Variants in DR1 observed in about 807,000 individuals in gnomAD.
DR1 encodes down-regulator of transcription 1, also known as protein Dr1.
DR1 carries 7 observed loss-of-function variants against 19.9 expected under a neutral mutation model. The ratio of observed to expected loss-of-function variants is 0.35; its 90% CI spans 0.20 to 0.66. The LOEUF (loss-of-function observed/expected upper bound fraction) is 0.66, where lower values mean the gene tolerates loss of function less well. Among genes scored for constraint, DR1 ranks in the 30% least tolerant of loss-of-function variants. The pLI is 0.66. For synonymous variants in DR1, 76 were observed against 72.5 expected (o/e 1.05, Z -0.24); for missense variants, 98 against 203.7 (o/e 0.48, Z 3.16).
In DR1 at chr1:93,364,154, A is replaced by G. The variant is rs139166523; in HGVS notation, c.*3515A>G. ...TACGCTAATGATCTTAGTGGGTTGA[A>G]TTTCTCGAAACACCTAAATTGTACC... On this transcript the variant is annotated 3_prime_UTR_variant, in exon 3 of 3. Coordinates refer to ENST00000370272, the MANE Select transcript of DR1 (RefSeq NM_001938.3). The G allele has an allele frequency of 8.6e-4, 131 of 152,310 alleles. No homozygotes were observed. The highest frequency in any genetic ancestry group is 3.0e-3 in the African/African-American group (124 of 41,572). 9.4% of individuals were successfully genotyped at this position (152,310 alleles called of 1,614,324 possible).
At chr1:93,359,783 T>G (rs564676189) in intron 2 of DR1, among the ~76,000 whole-genome samples, 29 of 152,326 alleles carry the variant, frequency 1.9e-4, no homozygotes, top group Admixed American at 1.8e-3. Flanking sequence ...ATCCTGTGGT[T>G]GTTTTTAATA....
At chr1:93,349,100 A>G (rs1425502760) in intron 1 of DR1, among the ~76,000 whole-genome samples, 2 of 152,086 alleles carry the variant, frequency 1.3e-5, no homozygotes, top group East Asian at 3.8e-4. Flanking sequence ...TTTTAGTGAT[A>G]AGTTTAATGA....
chr1:93,352,614 C>T (rs1333021455), intron 1 of DR1, among the ~76,000 whole-genome samples: 2 of 152,126 alleles, frequency 1.3e-5, no homozygotes, highest in Non-Finnish European at 2.9e-5. Context: ...TTGGCATTCT[C>T]CCAGAAGAGC....
intron 2 of DR1, among the ~76,000 whole-genome samples, chr1:93,359,862 A>G (rs562129412): frequency 1.8e-4 from 27 of 152,158 alleles, no homozygotes; most frequent in Non-Finnish European, 3.5e-4. Context: ...AAGGATATGT[A>G]TATTTGTATG....
intron 1 of DR1, among the ~76,000 whole-genome samples, chr1:93,351,546 A>T (rs1666913311): frequency 1.4e-5 from 2 of 144,806 alleles, no homozygotes; most frequent in South Asian, 4.2e-4. Flanking sequence ...AGCAATTCTC[A>T]TGCCTTAGCC....
chr1:93,346,917 C>A, intron 1 of DR1, 52 bp downstream of exon 1: 1 of 1,473,138 alleles, frequency 6.8e-7, no homozygotes, highest in Non-Finnish European at 9.3e-7. Context: ...TAGCAGTCTG[C>A]TAATCGCGTG....
chr1:93,360,416 A>G (rs1417194700), intron 2 of DR1, 77 bp from the exon 3 acceptor site: 40 of 1,390,754 alleles, frequency 2.9e-5, no homozygotes, highest in Non-Finnish European at 3.6e-5. Flanking sequence ...AAATTGGCCT[A>G]ATCTACATTT....
Position 93,361,051 on chromosome 1 carries a change from G to GGGC in DR1, c.*412_*413insGGC, listed in dbSNP as rs1553198463. On this transcript the variant is annotated 3_prime_UTR_variant, in exon 3 of 3. Coordinates refer to ENST00000370272, the MANE Select transcript of DR1 (RefSeq NM_001938.3). ...TGAATTTTAAATTATTAAGGGGGGG[G>GGGC]TGCTGTGTGAATCAGTAGACATTGG... 6.2e-6 allele frequency: 1 copy of GGGC among 162,492 alleles called. No individual in the cohort carries two copies. The highest frequency in any genetic ancestry group is 1.3e-5 in the Non-Finnish European group (1 of 76,168). The allele number at this position is 162,492 out of a possible 1,614,324, so 10.1% of individuals were successfully genotyped here.
chr1:93,350,176 A>T (rs959311968), intron 1 of DR1, among the ~76,000 whole-genome samples: 4 of 152,134 alleles, frequency 2.6e-5, no homozygotes, highest in African/African-American at 9.6e-5. Flanking sequence ...ACAATTACTT[A>T]TTGAATACTA....
chr1:93,362,835 T>C lies in DR1; in HGVS notation c.*2196T>C, dbSNP rs1228448582. ...TATTTTTAGGTTTTTTCTTTTTTTT[T>C]TTTTTTTTTTTTTTTTTTTAGCATT... On this transcript the variant is annotated 3_prime_UTR_variant, in exon 3 of 3. Coordinates refer to ENST00000370272, the MANE Select transcript of DR1 (RefSeq NM_001938.3). The C allele has an allele frequency of 4.5e-4, 53 of 116,854 alleles. No homozygotes were observed. The highest frequency in any genetic ancestry group is 1.7e-3 in the Admixed American group (16 of 9,666). The allele number at this position is 116,854 out of a possible 1,614,324, so 7.2% of individuals were successfully genotyped here.
In DR1 at chr1:93,346,573, G is replaced by A. The variant is rs924412633; in HGVS notation, c.-73G>A. 1.5e-6 allele frequency: 2 copies of A among 1,340,374 alleles called. No homozygotes were observed. The highest frequency in any genetic ancestry group is 1.5e-5 in the African/African-American group (1 of 68,686). The allele number at this position is 1,340,374 out of a possible 1,614,324, so 83.0% of individuals were successfully genotyped here. ...TCACTCTCCGAGGGCGACTTTTTGA[G>A]AAATCTCGGTGGAGTAGTGGACCAG... On this transcript the variant is annotated 5_prime_UTR_variant, in exon 1 of 3. Coordinates refer to ENST00000370272, the MANE Select transcript of DR1 (RefSeq NM_001938.3).
At chr1:93,357,944 G>A (rs1667010754) in intron 2 of DR1, among the ~76,000 whole-genome samples, 1 of 152,162 alleles carries the variant, frequency 6.6e-6, no homozygotes, top group African/African-American at 2.4e-5. Context: ...ACTTGGATGA[G>A]GAAGATAACT....
At position 93,357,294 on chromosome 1, in the gene DR1, G is replaced by T. The variant is rs539637402; in HGVS notation, c.385-3199G>T. Among the ~76,000 whole-genome samples the T allele has an allele frequency of 3.6e-4, 55 of 151,854 alleles. 2 individuals carry two copies. Among genetic ancestry groups the T allele is most frequent in the South Asian group, 4.2e-4 (2 of 4,796 alleles). On this transcript the variant is annotated intron_variant, in intron 2 of 2. Coordinates refer to ENST00000370272, the MANE Select transcript of DR1 (RefSeq NM_001938.3). Reference sequence around the variant, plus strand: ...TCCTCTTTGCCTTTAACCATATACGGGTCTTCTGCATTTCCTTGTATCCCC... The same window carrying T: ...TCCTCTTTGCCTTTAACCATATACGTGTCTTCTGCATTTCCTTGTATCCCC...
At chr1:93,348,533 G>A (rs545773436) in intron 1 of DR1, among the ~76,000 whole-genome samples, 369 of 152,154 alleles carry the variant, frequency 2.4e-3, no homozygotes, top group Non-Finnish European at 4.3e-3. Context: ...CTTGGGGAGA[G>A]TTGATTCTTT....
chr1:93,366,409 A>C lies in DR1; in HGVS notation c.*5770A>C, dbSNP rs1667129979. ...TAATAGGCTTGTTATTTTTGAGTGC[A>C]CAGATCTGTATATTCGCAATTGAAA... is the stretch of plus-strand genomic sequence containing the variant. On this transcript the variant is annotated 3_prime_UTR_variant, in exon 3 of 3. Coordinates refer to ENST00000370272, the MANE Select transcript of DR1 (RefSeq NM_001938.3). The C allele has an allele frequency of 6.6e-6, 1 of 152,198 alleles. No homozygotes were observed. Among genetic ancestry groups the C allele is most frequent in the African/African-American group, 2.4e-5 (1 of 41,432 alleles). The allele number at this position is 152,198 out of a possible 1,614,324, so 9.4% of individuals were successfully genotyped here.
chr1:93,346,093 G>A lies in DR1; in HGVS notation c.-553G>A, dbSNP rs1281197491. ...GGCGGCCGTCGCCGTTCCAGCAGCG[G>A]CAGCGGCAGCGGCAGCGGCGGACAT... On this transcript the variant is annotated 5_prime_UTR_variant, in exon 1 of 3. Coordinates refer to ENST00000370272, the MANE Select transcript of DR1 (RefSeq NM_001938.3). 1.9e-5 allele frequency: 4 copies of A among 209,258 alleles called. No homozygotes were observed. The highest frequency in any genetic ancestry group is 1.9e-5 in the Non-Finnish European group (2 of 105,570). The allele number at this position is 209,258 out of a possible 1,614,324, so 13.0% of individuals were successfully genotyped here.
At position 93,368,127 on chromosome 1, in the gene DR1, T is replaced by C. The variant is rs940422273; in HGVS notation, c.*7488T>C. 6.6e-6 allele frequency: 1 copy of C among 152,220 alleles called. No homozygotes were observed. The highest frequency in any genetic ancestry group is 1.5e-5 in the Non-Finnish European group (1 of 68,042). The allele number at this position is 152,220 out of a possible 1,614,324, so 9.4% of individuals were successfully genotyped here. A position where few individuals can be genotyped will look rare whatever the true frequency, so the allele number is the denominator to read the frequency against. ...TTACATATGTTATTTCATTTGTTTA[T>C]TTCCTCTGTGAGGGTAAGTATTGAT... On this transcript the variant is annotated 3_prime_UTR_variant, in exon 3 of 3. Transcript: ENST00000370272.
chr1:93,360,311 C>T (rs996670190), intron 2 of DR1, among the ~76,000 whole-genome samples, 182 bp from the exon 3 acceptor site: 1 of 152,068 alleles, frequency 6.6e-6, no homozygotes, highest in African/African-American at 2.4e-5. Flanking sequence ...AAAAAGCAAT[C>T]TCTAATTATA....
rs1288839004 is a variant in DR1 at position 93,362,576 on chromosome 1, G to A, written c.*1937G>A. 1.3e-5 allele frequency: 2 copies of A among 151,836 alleles called. No homozygotes were observed. Among genetic ancestry groups the A allele is most frequent in the African/African-American group, 2.4e-5 (1 of 41,296 alleles). 9.4% of individuals were successfully genotyped at this position (151,836 alleles called of 1,614,324 possible). On this transcript the variant is annotated 3_prime_UTR_variant, in exon 3 of 3. Coordinates refer to ENST00000370272, the MANE Select transcript of DR1 (RefSeq NM_001938.3). ...GCTGTATTCTTCAAGCAATAAAATT[G>A]TGATGTGTTTTATAAATGGTTTTTA... is the stretch of plus-strand genomic sequence containing the variant.
Sources: gnomAD v4.1 joint callset for allele counts (sites outside exome capture counted in the v4.1 genomes callset) on GRCh38, gnomAD v4.1.1 for gene constraint, MANE v1.5 for transcripts, NCBI Gene and HGNC (gene_info 2026-07-23, HGNC 2026-07-21) for gene names.